ELP4: variants seen among roughly 807,000 people sequenced by gnomAD.
The protein encoded by ELP4 is elongator complex protein 4.
Under a neutral mutation model 48.9 loss-of-function variants are expected in ELP4, and 51 were observed. The observed-to-expected ratio is 1.04, with a 90% CI of 0.83 to 1.32. The LOEUF is 1.32. Ranked by LOEUF, ELP4 falls within the 40% of genes most tolerant of loss-of-function variation. The pLI, the probability that ELP4 is intolerant of heterozygous loss-of-function variation, is 0.00. For synonymous variants in ELP4, 210 were observed against 189.2 expected (o/e 1.11, Z -0.90); for missense variants, 519 against 514.6 (o/e 1.01, Z -0.08).
intron 2 of ELP4, among the ~76,000 whole-genome samples, chr11:31,522,449 A>G (rs911632284): frequency 3.3e-5 from 5 of 152,144 alleles, no homozygotes; most frequent in African/African-American, 4.8e-5. Flanking sequence ...TTAGACCTCA[A>G]TTTATGTACA....
intron 3 of ELP4, among the ~76,000 whole-genome samples, chr11:31,569,111 A>G (rs566858609): frequency 6.6e-6 from 1 of 151,984 alleles, no homozygotes; most frequent in East Asian, 1.9e-4. Context: ...AAAAGGAAAG[A>G]AAAAAAACCT....
At chr11:31,716,557 A>G (rs550443573) in intron 9 of ELP4, among the ~76,000 whole-genome samples, 2 of 152,346 alleles carry the variant, frequency 1.3e-5, no homozygotes, top group East Asian at 1.9e-4. Flanking sequence ...ATTAATATCA[A>G]GGAATACTGT....
chr11:31,779,175 C>T (rs1948313767), intron 9 of ELP4, among the ~76,000 whole-genome samples: 2 of 152,184 alleles, frequency 1.3e-5, no homozygotes, highest in Admixed American at 6.5e-5. Flanking sequence ...CTTTAGTCAT[C>T]TGCTAAGGGT....
At position 31,787,296 on chromosome 11, in the gene ELP4, GT is replaced by G. The variant is rs1219424558; in HGVS notation, c.*3773del. ...CCTGACCTTCAGAGCACACATATAC[GT>G]GCCCAAGTGCACACATACAGACCCT... On this transcript the variant is annotated 3_prime_UTR_variant, in exon 10 of 10. Coordinates refer to ENST00000640961, the MANE Select transcript of ELP4 (RefSeq NM_019040.5). 1 of 233,002 alleles carries G rather than the reference GT, an allele frequency of 4.3e-6. No homozygotes were observed. The highest frequency in any genetic ancestry group is 8.5e-6 in the Non-Finnish European group (1 of 117,998). 14.4% of individuals were successfully genotyped at this position (233,002 alleles called of 1,614,324 possible). A position where few individuals can be genotyped will look rare whatever the true frequency, so the allele number is the denominator to read the frequency against.
chr11:31,693,592 T>C (rs957502386), intron 9 of ELP4, among the ~76,000 whole-genome samples: 4 of 152,226 alleles, frequency 2.6e-5, no homozygotes, highest in Admixed American at 1.3e-4. Context: ...TCCAAGTCTT[T>C]CCTATTGTGA....
In ELP4 at chr11:31,555,461, T is replaced by C. The variant is rs536720054; in HGVS notation, c.381+15678T>C. ...TTTTATATTTCTTACATATTTGTTA[T>C]GGAATAATAAAACTATTTGATTTTT... On this transcript the variant is annotated intron_variant, in intron 3 of 9. Transcript: ENST00000640961. Among the ~76,000 whole-genome samples, 7 of 152,146 alleles carry C rather than the reference T, an allele frequency of 4.6e-5. No individual in the cohort carries two copies. In the East Asian group the frequency reaches 1.3e-3, roughly 29 times the overall value.
At chr11:31,668,171 G>A (rs1945719620) in intron 9 of ELP4, among the ~76,000 whole-genome samples, 1 of 152,084 alleles carries the variant, frequency 6.6e-6, no homozygotes, top group Admixed American at 6.6e-5. Flanking sequence ...TTAAAATGAT[G>A]TTTTGTATAA....
intron 2 of ELP4, among the ~76,000 whole-genome samples, chr11:31,535,394 G>C (rs950841794): frequency 3.3e-5 from 5 of 152,132 alleles, no homozygotes; most frequent in Non-Finnish European, 5.9e-5. Context: ...CCAGGCTGGA[G>C]CGCAGTGGTA....
chr11:31,785,756 GTTAA>G lies in ELP4; in HGVS notation c.*2234_*2237del, dbSNP rs1382376136. 2 of 193,112 alleles carry G rather than the reference GTTAA, an allele frequency of 1.0e-5. No individual in the cohort carries two copies. The highest frequency in any genetic ancestry group is 2.2e-5 in the Non-Finnish European group (2 of 92,612). The allele number at this position is 193,112 out of a possible 1,614,324, so 12.0% of individuals were successfully genotyped here. A position where few individuals can be genotyped will look rare whatever the true frequency, so the allele number is the denominator to read the frequency against. Reference sequence around the variant, plus strand: ...GGAAACATTATTTGTTACTCATTATGTTAATAACTTACTACATAAACATATCTCT... The same window carrying G: ...GGAAACATTATTTGTTACTCATTATGTAACTTACTACATAAACATATCTCT... On this transcript the variant is annotated 3_prime_UTR_variant, in exon 10 of 10. Transcript: ENST00000640961.
chr11:31,600,913 C>G (rs949876165), intron 4 of ELP4, among the ~76,000 whole-genome samples: 10 of 151,980 alleles, frequency 6.6e-5, no homozygotes, highest in Admixed American at 6.6e-4. Context: ...TCCTCCTGTA[C>G]CCCCATCAAA....
intron 9 of ELP4, among the ~76,000 whole-genome samples, chr11:31,693,579 G>T (rs991160098): frequency 1.3e-5 from 2 of 152,120 alleles, no homozygotes; most frequent in Non-Finnish European, 2.9e-5. Flanking sequence ...CATTTGGGTT[G>T]GTTCCAAGTC....
rs143343753 is a variant in ELP4 at position 31,590,190 on chromosome 11, C to T, written c.382-4580C>T. 3.8e-3 allele frequency among the ~76,000 whole-genome samples: 576 copies of T among 152,248 alleles called. 2 individuals are homozygous for T. The highest frequency in any genetic ancestry group is 0.013 in the African/African-American group (555 of 41,538). On this transcript the variant is annotated intron_variant, in intron 3 of 9. Transcript: ENST00000640961. The stretch of plus-strand genomic sequence containing the variant: ...CCTACCTCATAAGTTTATTATCGAA[C>T]ACTGAATTAACATATCTAAAGCACT...
intron 9 of ELP4, chr11:31,714,486 A>G (rs1369942072): frequency 2.5e-6 from 1 of 395,946 alleles, no homozygotes; most frequent in African/African-American, 2.1e-5. Context: ...GTTACTTAAC[A>G]GTTGTTTAAA....
intron 9 of ELP4, among the ~76,000 whole-genome samples, chr11:31,771,098 T>C (rs1207721038): frequency 6.6e-6 from 1 of 152,184 alleles, no homozygotes; most frequent in African/African-American, 2.4e-5. Flanking sequence ...CAGTAGAAAC[T>C]GCTAGAGTTT....
chr11:31,523,743 G>GTAAAATTTGATTTTAAAATCAAAGA (rs1956253350), intron 2 of ELP4, among the ~76,000 whole-genome samples: 6 of 142,746 alleles, frequency 4.2e-5, no homozygotes, highest in African/African-American at 1.6e-4. Flanking sequence ...AAAATCAAAG[G>GTAAAATTTGATTTTAAAATCAAAGA]TAAAATTTGA....
At chr11:31,590,767 C>T (rs1957554855) in intron 3 of ELP4, among the ~76,000 whole-genome samples, 2 of 152,070 alleles carry the variant, frequency 1.3e-5, no homozygotes, top group African/African-American at 4.8e-5. Context: ...AGAGAGCAAG[C>T]AGGAAGGTAG....
intron 6 of ELP4, chr11:31,628,386 G>C (rs1026355374): frequency 1.3e-5 from 2 of 151,764 alleles, no homozygotes; most frequent in African/African-American, 2.4e-5. Flanking sequence ...CATCTTCTGA[G>C]AGTAAGAAAT....
At chr11:31,723,357 C>G (rs1947008888) in intron 9 of ELP4, among the ~76,000 whole-genome samples, 1 of 152,030 alleles carries the variant, frequency 6.6e-6, no homozygotes, top group African/African-American at 2.4e-5. Context: ...CACCCACTCC[C>G]CCAGGTCCAC....
At chr11:31,683,172 G>T (rs1426597186) in intron 9 of ELP4, among the ~76,000 whole-genome samples, 2 of 151,844 alleles carry the variant, frequency 1.3e-5, no homozygotes, top group Admixed American at 6.6e-5. Context: ...TGTATTTTTA[G>T]AACAGCTTAT....
Sources: gnomAD v4.1 joint callset for allele counts (sites outside exome capture counted in the v4.1 genomes callset) on GRCh38, gnomAD v4.1.1 for gene constraint, MANE v1.5 for transcripts, NCBI Gene and HGNC (gene_info 2026-07-23, HGNC 2026-07-21) for gene names.